Variants in CACNA1A observed in about 807,000 individuals in gnomAD.
The protein encoded by CACNA1A is voltage-dependent P/Q-type calcium channel subunit alpha-1A.
A neutral mutation model predicts 262.4 loss-of-function variants in CACNA1A; 57 were observed. The observed-to-expected ratio is 0.22, with a 90% CI of 0.18 to 0.27. The LOEUF (loss-of-function observed/expected upper bound fraction) is 0.27, where lower values mean the gene tolerates loss of function less well. CACNA1A is among the 10% of genes least tolerant of loss of function. The probability of loss-of-function intolerance (pLI) is 1.00; values close to 1 mark genes in which losing one functional copy is unlikely to be tolerated. For missense variants in CACNA1A, 2,526 were observed against 3,562.8 expected (o/e 0.71, Z 7.41); for synonymous variants, 1,431 against 1,419.3 (o/e 1.01, Z -0.18).
At chr19:13,322,737 A>G (rs1472784816) in intron 10 of CACNA1A, among the ~76,000 whole-genome samples, 4 of 152,070 alleles carry the variant, frequency 2.6e-5, no homozygotes, top group Admixed American at 1.3e-4. Flanking sequence ...CTGGGACTAC[A>G]GGTGTGCACT....
intron 6 of CACNA1A, among the ~76,000 whole-genome samples, chr19:13,356,591 C>A (rs1245233092): frequency 1.3e-5 from 2 of 152,186 alleles, no homozygotes; most frequent in African/African-American, 4.8e-5. Flanking sequence ...TGGGCACGCC[C>A]CCAGCATCTT....
intron 31 of CACNA1A, among the ~76,000 whole-genome samples, chr19:13,237,186 G>A (rs2055906287): frequency 6.6e-6 from 1 of 152,004 alleles, no homozygotes; most frequent in Non-Finnish European, 1.5e-5. Context: ...GGCCCCCAGA[G>A]GCATTTGAGT....
intron 22 of CACNA1A, among the ~76,000 whole-genome samples, chr19:13,278,230 C>G (rs1450561322): frequency 6.6e-6 from 1 of 152,156 alleles, no homozygotes; most frequent in Non-Finnish European, 1.5e-5. Flanking sequence ...CCACCTCATT[C>G]AGGGATAAAA....
At position 13,207,708 on chromosome 19, in the gene CACNA1A, G is replaced by A. The variant is rs1308219087; in HGVS notation, c.7126C>T (p.Arg2376Trp). 3 of 1,364,232 alleles carry A rather than the reference G, an allele frequency of 2.2e-6. No individual in the cohort carries two copies. Among genetic ancestry groups the A allele is most frequent in the African/African-American group, 1.5e-5 (1 of 65,648 alleles). The allele number at this position is 1,364,232 out of a possible 1,614,324, so 84.5% of individuals were successfully genotyped here. ...RMERRVPGPA[R>W]SESPRACRHG... ...CGACAGGCCCTGGGGGACTCGCTCCGGGCCGGGCCTGGGACCCGCCTCTCC... is the reference window on the plus strand; with the variant it reads ...CGACAGGCCCTGGGGGACTCGCTCCAGGCCGGGCCTGGGACCCGCCTCTCC... Residue 2376 changes from arginine to tryptophan, a missense_variant, in exon 47 of 47, where the codon CGG (arginine) becomes TGG (tryptophan). Arg to Trp is a moderately radical substitution (Grantham distance 101). This residue lies in a region of CACNA1A where 929 missense variants were observed against 868.1 expected (regional missense o/e 1.07). Transcript: ENST00000360228. This position sits in a 1 kb window ranked among gnomAD's most constrained non-coding sequence, Gnocchi z 5.7.
intron 3 of CACNA1A, among the ~76,000 whole-genome samples, chr19:13,394,745 C>A (rs2059780456): frequency 6.6e-6 from 1 of 152,120 alleles, no homozygotes; most frequent in Non-Finnish European, 1.5e-5. Context: ...AACAATACCC[C>A]AAAATGAAGT....
intron 3 of CACNA1A, among the ~76,000 whole-genome samples, chr19:13,380,112 C>T (rs562584685): frequency 1.1e-3 from 148 of 131,270 alleles, no homozygotes; most frequent in Non-Finnish European, 2.0e-3. Context: ...GGTGAAAACC[C>T]GTCTCTACTA....
chr19:13,381,492 A>C (rs1452462412), intron 3 of CACNA1A, among the ~76,000 whole-genome samples: 1 of 152,216 alleles, frequency 6.6e-6, no homozygotes, highest in African/African-American at 2.4e-5. Context: ...CTCAAAGGCC[A>C]CATGTGGCCA....
intron 3 of CACNA1A, among the ~76,000 whole-genome samples, chr19:13,385,042 T>C (rs2059585873): frequency 6.6e-6 from 1 of 152,112 alleles, no homozygotes; most frequent in Non-Finnish European, 1.5e-5. Flanking sequence ...CACATGGCTA[T>C]TTAAATACAG....
chr19:13,467,692 C>A (rs1183427895), intron 1 of CACNA1A, among the ~76,000 whole-genome samples: 1 of 151,142 alleles, frequency 6.6e-6, no homozygotes, highest in African/African-American at 2.4e-5. Flanking sequence ...GCAGCCTCTG[C>A]CTCCTGGGTT....
chr19:13,434,065 T>C (rs2060568390), intron 3 of CACNA1A, among the ~76,000 whole-genome samples: 1 of 152,134 alleles, frequency 6.6e-6, no homozygotes, highest in Non-Finnish European at 1.5e-5. Flanking sequence ...ATCTGTAAAA[T>C]GGGGAGATTG....
intron 1 of CACNA1A, among the ~76,000 whole-genome samples, chr19:13,480,892 T>G (rs1294016540): frequency 6.6e-6 from 1 of 152,144 alleles, no homozygotes; most frequent in Non-Finnish European, 1.5e-5. Context: ...TTGTATTGAA[T>G]CTGATCAAAA....
chr19:13,383,751 C>T lies in CACNA1A; in HGVS notation c.540-11972G>A, dbSNP rs768811906. 2.8e-4 allele frequency among the ~76,000 whole-genome samples: 42 copies of T among 152,286 alleles called. 2 individuals are homozygous for T. The highest frequency in any genetic ancestry group is 2.7e-3 in the South Asian group (13 of 4,824). ...ATTCTGCCTTCTCAGAGAGAACATCCCTCAACTTCCTAGCTAAAGAGATCC... is the reference window on the plus strand; with the variant it reads ...ATTCTGCCTTCTCAGAGAGAACATCTCTCAACTTCCTAGCTAAAGAGATCC... On this transcript the variant is annotated intron_variant, in intron 3 of 46. Transcript: ENST00000360228.
chr19:13,461,824 G>A (rs987857860), intron 1 of CACNA1A, among the ~76,000 whole-genome samples: 2 of 152,292 alleles, frequency 1.3e-5, no homozygotes, highest in African/African-American at 2.4e-5. Flanking sequence ...AAAGCGGGGC[G>A]GGGGCTGAAA....
chr19:13,452,634 T>A (rs767922809), intron 3 of CACNA1A: 10 of 381,084 alleles, frequency 2.6e-5, no homozygotes, highest in African/African-American at 4.1e-5. Context: ...AGAATGGGCA[T>A]AAAGCACTCT....
At chr19:13,495,935 A>G (rs1981452470) in intron 1 of CACNA1A, among the ~76,000 whole-genome samples, 1 of 151,884 alleles carries the variant, frequency 6.6e-6, no homozygotes, top group Non-Finnish European at 1.5e-5. Flanking sequence ...CCACCCATCG[A>G]GTCATCTACC....
intron 3 of CACNA1A, among the ~76,000 whole-genome samples, chr19:13,442,941 T>C (rs1334585899): frequency 6.6e-6 from 1 of 152,268 alleles, no homozygotes; most frequent in Non-Finnish European, 1.5e-5. Context: ...AAATGGGTTC[T>C]AGATCCAGAT....
At chr19:13,254,993 T>G in intron 29 of CACNA1A, 102 bp downstream of exon 29, 1 of 1,191,344 alleles carries the variant, frequency 8.4e-7, no homozygotes, top group Non-Finnish European at 1.2e-6. Flanking sequence ...TGATCCAGAG[T>G]GTGGTCTGTC....
chr19:13,294,133 G>C (rs1296413324), intron 19 of CACNA1A, among the ~76,000 whole-genome samples: 1 of 148,512 alleles, frequency 6.7e-6, no homozygotes, highest in Non-Finnish European at 1.5e-5. Flanking sequence ...TTAGACATGA[G>C]GTCTTGCTCA....
intron 3 of CACNA1A, among the ~76,000 whole-genome samples, chr19:13,394,858 C>T (rs7246107): frequency 0.093 from 14,137 of 152,206 alleles, 1,215 homozygotes; most frequent in African/African-American, 0.23. Flanking sequence ...AAACTAGAAT[C>T]CCTCTTCCCT....
Sources: allele counts gnomAD v4.1 joint callset (sites outside exome capture counted in the v4.1 genomes callset), GRCh38; gene constraint gnomAD v4.1.1; regional missense constraint gnomAD v4.1.1; non-coding constraint Gnocchi (gnomAD v3.1); transcripts MANE v1.5; gene names NCBI Gene and HGNC (gene_info 2026-07-23, HGNC 2026-07-21).